LMF1: variants seen among roughly 807,000 people sequenced by gnomAD.
The protein encoded by LMF1 is lipase maturation factor 1.
In LMF1, 68 loss-of-function variants were observed where a neutral mutation model predicts 60.6. The ratio of observed to expected loss-of-function variants is 1.12; its 90% CI spans 0.92 to 1.37. LMF1 has a LOEUF of 1.37. Among genes scored for constraint, LMF1 ranks in the 40% most tolerant of loss-of-function variants. LMF1 has a pLI of 0.00. For missense variants in LMF1, 948 were observed against 767.2 expected (o/e 1.24, Z -2.78); for synonymous variants, 418 against 324.7 (o/e 1.29, Z -3.09).
chr16:921,291 C>T (rs915877902), intron 3 of LMF1: 1 of 152,258 alleles, frequency 6.6e-6, no homozygotes, highest in African/African-American at 2.4e-5. Context: ...CCTTTTCAGA[C>T]AGCGCAGAGC....
chr16:931,356 T>C (rs905101634), intron 3 of LMF1, among the ~76,000 whole-genome samples: 10 of 152,252 alleles, frequency 6.6e-5, no homozygotes, highest in African/African-American at 2.4e-4. Context: ...AGGATGCTGC[T>C]TTGCGGGCCG....
chr16:954,387 T>C lies in LMF1; in HGVS notation c.473A>G (p.Tyr158Cys), dbSNP rs561927645. 5 of 1,612,634 alleles carry C rather than the reference T, an allele frequency of 3.1e-6. No individual in the cohort carries two copies. Among genetic ancestry groups the C allele is most frequent in the East Asian group, 2.2e-5 (1 of 44,860 alleles). The change falls in exon 2 of 11, where the codon TAC (tyrosine) becomes TGC (cysteine). Residue 158 changes from tyrosine to cysteine, a missense_variant. Tyr to Cys is a radical substitution (Grantham distance 194, BLOSUM62 -2). Coordinates refer to ENST00000262301, the MANE Select transcript of LMF1 (RefSeq NM_022773.4). ...ATGGCCCACATTAACCAGGGACATG[T>C]AGAGGCCCCACAGGGCAGCCATGAG... ...MLLMAALWGL[Y>C]MSLVNVGHVW...
intron 3 of LMF1, among the ~76,000 whole-genome samples, chr16:913,181 TC>T (rs2071170246): frequency 6.6e-6 from 1 of 152,294 alleles, no homozygotes; most frequent in East Asian, 1.9e-4. Context: ...GGGGGACGGC[TC>T]CGGGAGGGCC....
chr16:945,679 C>T (rs376601193), intron 2 of LMF1, among the ~76,000 whole-genome samples: 2 of 152,030 alleles, frequency 1.3e-5, no homozygotes, highest in Admixed American at 6.6e-5. Context: ...CAGAAAGGGT[C>T]GGGAATCTAT....
chr16:924,078 TAC>T (rs1306185320), intron 3 of LMF1, among the ~76,000 whole-genome samples: 3 of 152,186 alleles, frequency 2.0e-5, no homozygotes, highest in Non-Finnish European at 4.4e-5. Flanking sequence ...TCACAATATT[TAC>T]AGAGTCAAAA....
At chr16:980,093 C>A in intron 1 of LMF1, 1 of 287,900 alleles carries the variant, frequency 3.5e-6, no homozygotes, top group South Asian at 3.3e-5. Context: ...TCCCAACTCG[C>A]GCACTCCGTC....
intron 2 of LMF1, among the ~76,000 whole-genome samples, chr16:937,446 T>C (rs1567275751): frequency 6.6e-6 from 1 of 151,794 alleles, no homozygotes; most frequent in Non-Finnish European, 1.5e-5. Flanking sequence ...CCTGCTCCCC[T>C]GTGAGCCTCC....
chr16:966,164 C>A (rs1000662522), intron 1 of LMF1, among the ~76,000 whole-genome samples: 1 of 152,164 alleles, frequency 6.6e-6, no homozygotes, highest in African/African-American at 2.4e-5. Flanking sequence ...CTCAGGACCA[C>A]GGTCAGGAAG....
chr16:905,773 G>A (rs2070958987), intron 4 of LMF1, among the ~76,000 whole-genome samples: 1 of 152,028 alleles, frequency 6.6e-6, no homozygotes, highest in African/African-American at 2.4e-5. Flanking sequence ...GAAGTCCAAT[G>A]TATGTGTTTG....
chr16:946,779 G>A (rs1251137432), intron 2 of LMF1, among the ~76,000 whole-genome samples: 9 of 152,156 alleles, frequency 5.9e-5, no homozygotes, highest in Admixed American at 6.5e-5. Flanking sequence ...GGGACCTCAC[G>A]TGCCCTGGTG....
intron 4 of LMF1, among the ~76,000 whole-genome samples, chr16:910,634 T>TG (rs1475649884): frequency 6.6e-6 from 1 of 151,020 alleles, no homozygotes; most frequent in African/African-American, 2.4e-5. Context: ...GGAGGGCTGG[T>TG]GGGGGAAGCA....
intron 10 of LMF1, among the ~76,000 whole-genome samples, chr16:856,366 G>A (rs769542575): frequency 9.9e-5 from 15 of 152,192 alleles, no homozygotes; most frequent in South Asian, 2.1e-4. Flanking sequence ...CTGAAGGGAC[G>A]GGCTGGAATG....
At chr16:860,307 C>G (rs371817182) in intron 10 of LMF1, among the ~76,000 whole-genome samples, 24 of 151,840 alleles carry the variant, frequency 1.6e-4, no homozygotes, top group East Asian at 7.7e-4. Flanking sequence ...CTGCCTGGCC[C>G]TAGATCCCAA....
In LMF1 at chr16:871,320, T is replaced by A; in HGVS notation, c.919A>T (p.Asn307Tyr). 6.2e-7 allele frequency: 1 copy of A among 1,612,306 alleles called. No homozygotes were observed. The highest frequency in any genetic ancestry group is 1.1e-5 in the South Asian group (1 of 91,026). The change falls in exon 7 of 11, where the codon AAC becomes TAC. Residue 307 changes from asparagine to tyrosine, a missense_variant. Transcript: ENST00000262301. ...LFQAVLIVSG[N>Y]LSFLNWLTMV... ...GTCAGCCAGTTCAGGAAGCTGAGGT[T>A]CCCGCTGACGATGAGGACGGCCTGT...
At position 893,004 on chromosome 16, in the gene LMF1, C is replaced by G; in HGVS notation, c.729+3G>C. On this transcript the variant is annotated splice_donor_region_variant and intron_variant, in intron 5 of 10. Transcript: ENST00000262301. ...CTGCCCTCACGCTGCACGGCACGCT[C>G]ACCTCATAGTGGAAGTCCATGCAGG... 1 of 1,547,848 alleles carries G rather than the reference C, an allele frequency of 6.5e-7. No homozygotes were observed. Among genetic ancestry groups the G allele is most frequent in the South Asian group, 1.2e-5 (1 of 83,984 alleles).
At chr16:935,783 C>T (rs2071925216) in intron 2 of LMF1, among the ~76,000 whole-genome samples, 1 of 152,210 alleles carries the variant, frequency 6.6e-6, no homozygotes, top group Non-Finnish European at 1.5e-5. Context: ...CCCTCAGGGC[C>T]CACTGCCCAT....
At chr16:945,009 T>C (rs977576477) in intron 2 of LMF1, among the ~76,000 whole-genome samples, 6 of 144,496 alleles carry the variant, frequency 4.2e-5, no homozygotes, top group East Asian at 2.1e-4. Flanking sequence ...AGGTCAGGAG[T>C]TCGAGACCAG....
At chr16:935,529 G>A (rs1056195871) in intron 2 of LMF1, among the ~76,000 whole-genome samples, 1 of 146,652 alleles carries the variant, frequency 6.8e-6, no homozygotes, top group Admixed American at 7.0e-5. Context: ...ATTGTCTTGG[G>A]CCACACATAA....
intron 2 of LMF1, among the ~76,000 whole-genome samples, chr16:936,517 G>A (rs904262047): frequency 1.3e-4 from 19 of 140,816 alleles, no homozygotes; most frequent in Non-Finnish European, 2.9e-4. Context: ...GTGGGCTCAG[G>A]AAGGAGGCTG....
Sources: gnomAD v4.1 joint callset for allele counts (sites outside exome capture counted in the v4.1 genomes callset) on GRCh38, gnomAD v4.1.1 for gene constraint, MANE v1.5 for transcripts, NCBI Gene and HGNC (gene_info 2026-07-23, HGNC 2026-07-21) for gene names.